Variants in PCDH11X observed in about 807,000 individuals in gnomAD.
The protein encoded by PCDH11X is protocadherin-11 X-linked.
A neutral mutation model predicts 53.3 loss-of-function variants in PCDH11X; 18 were observed. The ratio of observed to expected loss-of-function variants is 0.34; its 90% CI spans 0.23 to 0.50. The LOEUF (loss-of-function observed/expected upper bound fraction) is 0.50, where lower values mean the gene tolerates loss of function less well. Among genes scored for constraint, PCDH11X ranks in the 20% least tolerant of loss-of-function variants. PCDH11X has a pLI of 0.98. For synonymous variants in PCDH11X, 279 were observed against 393.3 expected (o/e 0.71, Z 3.44); for missense variants, 570 against 1,032.4 (o/e 0.55, Z 6.14).
At chrX:92,499,619 G>T (rs1389632918) in intron 10 of PCDH11X, among the ~76,000 whole-genome samples, 4 of 37,930 alleles carry the variant, frequency 1.1e-4, no homozygotes, top group Non-Finnish European at 1.7e-4. Context: ...GGGCATCATA[G>T]TAAAACCCTG....
chrX:92,270,665 T>C (rs1460937617), intron 8 of PCDH11X, among the ~76,000 whole-genome samples: 1 of 111,669 alleles, frequency 9.0e-6, no homozygotes, highest in Non-Finnish European at 1.9e-5. Flanking sequence ...ACGGTCTCAT[T>C]ATGGAATCCA....
At chrX:92,103,234 A>G (rs2064300250) in intron 6 of PCDH11X, among the ~76,000 whole-genome samples, 1 of 110,976 alleles carries the variant, frequency 9.0e-6, no homozygotes, top group South Asian at 3.9e-4. Flanking sequence ...GGAACTGGGC[A>G]GGTGGAGATA....
intron 6 of PCDH11X, among the ~76,000 whole-genome samples, chrX:91,996,140 C>CTTTTT (rs753881311): frequency 1.8e-4 from 12 of 66,602 alleles, no homozygotes; most frequent in African/African-American, 6.0e-4. Context: ...CACGCCTGGC[C>CTTTTT]TTTTTTTTTT....
At chrX:92,439,282 A>T (rs1569486733) in intron 9 of PCDH11X, among the ~76,000 whole-genome samples, 1 of 111,584 alleles carries the variant, frequency 9.0e-6, no homozygotes, top group Admixed American at 9.6e-5. Flanking sequence ...AATTAATCTT[A>T]TATATTATCC....
intron 7 of PCDH11X, among the ~76,000 whole-genome samples, chrX:92,226,491 A>G (rs1210797637): frequency 8.9e-6 from 1 of 111,894 alleles, no homozygotes; most frequent in Admixed American, 9.5e-5. Flanking sequence ...TAGTATAGCG[A>G]ATTTCTTTAC....
intron 8 of PCDH11X, among the ~76,000 whole-genome samples, chrX:92,363,952 A>C (rs2755018): frequency 0.41 from 45,224 of 110,511 alleles, 7,229 homozygotes; most frequent in Non-Finnish European, 0.5. Context: ...TAGGTGGTAT[A>C]GTACAGTCAT....
At chrX:92,239,037 A>T (rs1291257723) in intron 7 of PCDH11X, among the ~76,000 whole-genome samples, 1 of 111,237 alleles carries the variant, frequency 9.0e-6, no homozygotes, top group Non-Finnish European at 1.9e-5. Flanking sequence ...ATTTCACTTC[A>T]TCTTGCCAGA....
Position 91,912,332 on chromosome X carries a change from T to C in PCDH11X, c.3033+33059T>C, listed in dbSNP as rs185586627. Among the ~76,000 whole-genome samples the C allele has an allele frequency of 5.0e-3, 561 of 111,727 alleles. 2 individuals carry two copies. Among genetic ancestry groups the C allele is most frequent in the South Asian group, 9.7e-3 (26 of 2,684 alleles). On this transcript the variant is annotated intron_variant, in intron 6 of 10. Transcript: ENST00000682573. Reference sequence around the variant, plus strand: ...ACTATATTGAATAATAATGGTGAAATTGGCCATTCTTGTCCTATTTCTGAT... The same window carrying C: ...ACTATATTGAATAATAATGGTGAAACTGGCCATTCTTGTCCTATTTCTGAT...
At chrX:92,099,914 A>G (rs2064208213) in intron 6 of PCDH11X, among the ~76,000 whole-genome samples, 1 of 110,888 alleles carries the variant, frequency 9.0e-6, no homozygotes, top group African/African-American at 3.3e-5. Context: ...CTGAAAATCA[A>G]CTCCAAGTTT....
chrX:91,933,921 A>T, intron 6 of PCDH11X, among the ~76,000 whole-genome samples: 1 of 109,967 alleles, frequency 9.1e-6, no homozygotes, highest in South Asian at 3.9e-4. Flanking sequence ...CACCCAAAAT[A>T]GGGTTTCTAA....
At chrX:92,441,468 T>C (rs1484850029) in intron 9 of PCDH11X, among the ~76,000 whole-genome samples, 12 of 111,978 alleles carry the variant, frequency 1.1e-4, no homozygotes, top group Non-Finnish European at 1.7e-4. Flanking sequence ...CCTAGGGACT[T>C]GGTGCCCTGT....
chrX:92,213,976 C>A (rs892426516), intron 7 of PCDH11X, among the ~76,000 whole-genome samples: 2 of 111,813 alleles, frequency 1.8e-5, no homozygotes, highest in Non-Finnish European at 3.8e-5. Flanking sequence ...GACTCATCAG[C>A]CTATGCATGA....
rs1233107424 is a variant in PCDH11X at position 92,317,666 on chromosome X, T to G, written c.3144+54523T>G. ...CAAATCTAAGCAGTTCTAACAGATT[T>G]TTTTCGGTCATTAATATTTAAGTGT... On this transcript the variant is annotated intron_variant, in intron 8 of 10. Coordinates refer to ENST00000682573, the MANE Select transcript of PCDH11X (RefSeq NM_032968.5). Among the ~76,000 whole-genome samples the G allele has an allele frequency of 8.1e-4, 91 of 111,753 alleles. 1 individual carries two copies. Among genetic ancestry groups the G allele is most frequent in the Non-Finnish European group, 3.0e-4 (16 of 53,031 alleles).
intron 6 of PCDH11X, chrX:92,114,312 A>G (rs1041316712): frequency 1.1e-6 from 1 of 921,854 alleles, no homozygotes; most frequent in Non-Finnish European, 1.6e-6. Context: ...TCTCAAAACC[A>G]TAGGCATAGA....
intron 4 of PCDH11X, among the ~76,000 whole-genome samples, chrX:91,825,544 T>TGC (rs1458702459): frequency 1.8e-5 from 2 of 111,513 alleles, no homozygotes; most frequent in African/African-American, 6.5e-5. Flanking sequence ...TCGCGCACGG[T>TGC]GCGCGCACCC....
chrX:92,083,110 C>T (rs1273978114), intron 6 of PCDH11X, among the ~76,000 whole-genome samples: 1 of 111,312 alleles, frequency 9.0e-6, no homozygotes, highest in Non-Finnish European at 1.9e-5. Context: ...ACACTTAACC[C>T]TGTAATATTG....
intron 8 of PCDH11X, among the ~76,000 whole-genome samples, chrX:92,288,813 G>T (rs1306338955): frequency 9.2e-6 from 1 of 108,339 alleles, no homozygotes; most frequent in Non-Finnish European, 1.9e-5. Flanking sequence ...AAATAATTTT[G>T]TCTGAAGGTC....
chrX:92,406,987 G>A (rs1463086084), intron 9 of PCDH11X, among the ~76,000 whole-genome samples: 22 of 96,327 alleles, frequency 2.3e-4, no homozygotes, highest in African/African-American at 7.7e-4. Context: ...ATACTCCTCT[G>A]TTCCCAATCT....
At chrX:91,907,401 A>ACCCACC (rs1182354375) in intron 6 of PCDH11X, among the ~76,000 whole-genome samples, 8 of 57,227 alleles carry the variant, frequency 1.4e-4, no homozygotes, top group African/African-American at 4.0e-4. Context: ...ACACACACAC[A>ACCCACC]CACACACACA....
Sources: allele counts gnomAD v4.1 joint callset (sites outside exome capture counted in the v4.1 genomes callset), GRCh38; gene constraint gnomAD v4.1.1; transcripts MANE v1.5; gene names NCBI Gene and HGNC (gene_info 2026-07-23, HGNC 2026-07-21).